Variants in LDLRAD3 observed in about 807,000 individuals in gnomAD.
LDLRAD3 encodes the protein low-density lipoprotein receptor class A domain-containing protein 3.
In LDLRAD3, 20 loss-of-function variants were observed where a neutral mutation model predicts 29.4. The ratio of observed to expected loss-of-function variants is 0.68; its 90% CI spans 0.48 to 0.99. The LOEUF (loss-of-function observed/expected upper bound fraction) is 0.99, where lower values mean the gene tolerates loss of function less well. Among genes scored for constraint, LDLRAD3 ranks in the 50% least tolerant of loss-of-function variants. The pLI is 0.00. For missense variants in LDLRAD3, 420 were observed against 454.3 expected, an observed-to-expected ratio of 0.92 and a Z score of 0.69; for synonymous variants, 157 against 192.7, an observed-to-expected ratio of 0.81 and a Z score of 1.53.
At chr11:36,061,835 A>G (rs1852705352) in intron 2 of LDLRAD3, among the ~76,000 whole-genome samples, 1 of 152,200 alleles carries the variant, frequency 6.6e-6, no homozygotes. Flanking sequence ...ATAATGTAGT[A>G]GTGAGGAATA....
intron 4 of LDLRAD3, among the ~76,000 whole-genome samples, chr11:36,123,151 C>T (rs1039204668): frequency 3.3e-5 from 5 of 152,158 alleles, no homozygotes; most frequent in African/African-American, 7.2e-5. Flanking sequence ...GGCACCACTG[C>T]ATTCCAGCCT....
At chr11:36,167,454 C>T (rs1485894907) in intron 4 of LDLRAD3, among the ~76,000 whole-genome samples, 1 of 151,960 alleles carries the variant, frequency 6.6e-6, no homozygotes, top group East Asian at 1.9e-4. Flanking sequence ...GCCCTAAATC[C>T]AATATGTCTC....
intron 3 of LDLRAD3, among the ~76,000 whole-genome samples, chr11:36,088,105 T>C (rs968674303): frequency 1.2e-4 from 18 of 152,032 alleles, no homozygotes; most frequent in African/African-American, 3.1e-4. Context: ...ACTGCTTGCC[T>C]TGACCTCCCA....
chr11:36,035,351 G>A (rs1018670023), intron 1 of LDLRAD3, among the ~76,000 whole-genome samples: 10 of 152,036 alleles, frequency 6.6e-5, no homozygotes, highest in Non-Finnish European at 1.5e-4. Context: ...CACCTCCACC[G>A]CCACAGCACT....
chr11:36,144,911 A>G (rs375224275), intron 4 of LDLRAD3, among the ~76,000 whole-genome samples: 109 of 38,426 alleles, frequency 2.8e-3, no homozygotes, highest in South Asian at 6.7e-3. Context: ...GGGCGCCTCT[A>G]CCCGGCCGCC....
At chr11:36,117,183 A>T (rs963921757) in intron 4 of LDLRAD3, among the ~76,000 whole-genome samples, 3 of 152,214 alleles carry the variant, frequency 2.0e-5, no homozygotes, top group African/African-American at 7.2e-5. Flanking sequence ...TTAGAGCAAA[A>T]GTTGTGAGGT....
At chr11:36,119,904 C>T (rs148250576) in intron 4 of LDLRAD3, among the ~76,000 whole-genome samples, 1 of 152,218 alleles carries the variant, frequency 6.6e-6, no homozygotes, top group African/African-American at 2.4e-5. Context: ...AAACCATTGC[C>T]TAATTCAAAG....
chr11:36,087,071 G>A (rs1853207155), intron 3 of LDLRAD3, among the ~76,000 whole-genome samples: 1 of 152,118 alleles, frequency 6.6e-6, no homozygotes, highest in Admixed American at 6.5e-5. Flanking sequence ...CCCACAGGGA[G>A]GCAAACTTTT....
At chr11:36,162,010 G>A (rs559792592) in intron 4 of LDLRAD3, among the ~76,000 whole-genome samples, 26 of 152,260 alleles carry the variant, frequency 1.7e-4, no homozygotes, top group African/African-American at 6.3e-4. Context: ...CTGCAAATCA[G>A]TAATGAAAGA....
At chr11:36,024,837 A>G (rs530049662) in intron 1 of LDLRAD3, among the ~76,000 whole-genome samples, 83 of 152,342 alleles carry the variant, frequency 5.4e-4, no homozygotes, top group African/African-American at 2.0e-3. Context: ...GGTGTGGACT[A>G]TTCTAAGGAA....
At chr11:36,120,315 C>T (rs1056670138) in intron 4 of LDLRAD3, among the ~76,000 whole-genome samples, 6 of 152,104 alleles carry the variant, frequency 3.9e-5, no homozygotes, top group South Asian at 2.1e-4. Context: ...ACACCACACA[C>T]GTCTCCTGCA....
intron 4 of LDLRAD3, among the ~76,000 whole-genome samples, chr11:36,184,601 G>T (rs1286708219): frequency 6.6e-6 from 1 of 151,978 alleles, no homozygotes; most frequent in East Asian, 1.9e-4. Context: ...AGGTTCCTAG[G>T]AGTACTACCA....
At chr11:36,138,483 A>G (rs917814570) in intron 4 of LDLRAD3, among the ~76,000 whole-genome samples, 11 of 152,242 alleles carry the variant, frequency 7.2e-5, no homozygotes, top group Non-Finnish European at 1.2e-4. Context: ...TATTTTCAGT[A>G]TTAATTAGAA....
intron 4 of LDLRAD3, among the ~76,000 whole-genome samples, chr11:36,152,027 C>G (rs1854285118): frequency 6.7e-6 from 1 of 149,034 alleles, no homozygotes; most frequent in Admixed American, 6.6e-5. Context: ...ATCCAACTCC[C>G]TTTTCCTGAG....
chr11:36,228,686 C>T (rs1339701727), intron 5 of LDLRAD3, among the ~76,000 whole-genome samples: 4 of 152,242 alleles, frequency 2.6e-5, no homozygotes, highest in African/African-American at 7.2e-5. Flanking sequence ...TTTTAAGCCC[C>T]TTCTGCCGAT....
At chr11:36,015,901 C>T (rs1008788322) in intron 1 of LDLRAD3, among the ~76,000 whole-genome samples, 7 of 152,194 alleles carry the variant, frequency 4.6e-5, no homozygotes, top group African/African-American at 9.7e-5. Context: ...TTGTTCCAGG[C>T]GCCCTTGAAT....
intron 1 of LDLRAD3, among the ~76,000 whole-genome samples, chr11:35,992,630 A>G (rs1319762868): frequency 6.6e-6 from 1 of 152,220 alleles, no homozygotes; most frequent in African/African-American, 2.4e-5. Flanking sequence ...ATTTATAGGA[A>G]ATGTCCAGAA....
chr11:36,115,429 C>T (rs1195279138), intron 4 of LDLRAD3, among the ~76,000 whole-genome samples: 2 of 152,130 alleles, frequency 1.3e-5, no homozygotes, highest in African/African-American at 4.8e-5. Flanking sequence ...TAGTAGGTAC[C>T]CATTTTCAGA....
At chr11:36,078,798 C>T (rs114912386) in intron 2 of LDLRAD3, among the ~76,000 whole-genome samples, 2,690 of 152,246 alleles carry the variant, frequency 0.018, 79 homozygotes, top group African/African-American at 0.062. Context: ...TCCCTACCAG[C>T]GGACGATTCA....
Sources: allele counts gnomAD v4.1 joint callset (sites outside exome capture counted in the v4.1 genomes callset), GRCh38; gene constraint gnomAD v4.1.1; transcripts MANE v1.5; gene names NCBI Gene and HGNC (gene_info 2026-07-23, HGNC 2026-07-21).